The following AFF3 variants were observed in gnomAD, a reference collection of about 807,000 sequenced individuals.
The protein encoded by AFF3 is AF4/FMR2 family member 3.
Under a neutral mutation model 129.7 loss-of-function variants are expected in AFF3, and 32 were observed. The observed-to-expected ratio is 0.25, with a 90% CI of 0.19 to 0.33. AFF3 has a LOEUF of 0.33. Among genes scored for constraint, AFF3 ranks in the 10% least tolerant of loss-of-function variants. The probability of loss-of-function intolerance (pLI) is 1.00; values close to 1 mark genes in which losing one functional copy is unlikely to be tolerated. For synonymous variants in AFF3, 644 were observed against 635.4 expected, an observed-to-expected ratio of 1.01 and a Z score of -0.20; for missense variants, 1,373 against 1,592.0, an observed-to-expected ratio of 0.86 and a Z score of 2.34.
At chr2:100,116,301 C>A (rs957474585) in intron 2 of AFF3, among the ~76,000 whole-genome samples, 2 of 151,780 alleles carry the variant, frequency 1.3e-5, no homozygotes, top group Admixed American at 6.6e-5. Context: ...CTCAGCCTGA[C>A]AAACTTTGCC....
At chr2:99,657,073 G>T (rs1685813640) in intron 12 of AFF3, among the ~76,000 whole-genome samples, 1 of 152,154 alleles carries the variant, frequency 6.6e-6, no homozygotes, top group African/African-American at 2.4e-5. Context: ...GTGCAAATAT[G>T]ACTTGCTGCT....
At chr2:99,659,668 G>A (rs1686056527) in intron 12 of AFF3, among the ~76,000 whole-genome samples, 1 of 152,126 alleles carries the variant, frequency 6.6e-6, no homozygotes, top group African/African-American at 2.4e-5. Context: ...CAGCCTTGGT[G>A]GAATTTAATG....
chr2:99,778,041 C>T (rs1684080374), intron 8 of AFF3, among the ~76,000 whole-genome samples: 1 of 151,310 alleles, frequency 6.6e-6, no homozygotes, highest in East Asian at 1.9e-4. Flanking sequence ...TGGCTGGGCT[C>T]CTCCAGGTCT....
intron 12 of AFF3, 62 bp from the exon 13 acceptor site, chr2:99,649,728 A>G (rs1685058787): frequency 3.8e-6 from 6 of 1,580,858 alleles, no homozygotes; most frequent in Non-Finnish European, 4.3e-6. Context: ...TACGTGCTCA[A>G]TGAACACTTA....
chr2:99,893,709 T>C lies in AFF3; in HGVS notation c.874-56185A>G, dbSNP rs546723400. On this transcript the variant is annotated intron_variant, in intron 7 of 24. Transcript: ENST00000672756. The stretch of plus-strand genomic sequence containing the variant: ...GCAGCCCAATAATGCTCACTGATGG[T>C]TTTATAAACTAGAGAAGAACATCAA... Among the ~76,000 whole-genome samples the C allele has an allele frequency of 4.7e-4, 71 of 152,324 alleles. 1 individual carries two copies. In the East Asian group the frequency reaches 0.011, roughly 24 times the overall value.
chr2:99,644,345 G>A (rs1461088356), intron 13 of AFF3, among the ~76,000 whole-genome samples: 3 of 150,996 alleles, frequency 2.0e-5, no homozygotes, highest in Non-Finnish European at 4.4e-5. Context: ...TTTTTTGCTC[G>A]TTCCTCTCTC....
chr2:99,689,046 A>G (rs1274623189), intron 11 of AFF3, among the ~76,000 whole-genome samples: 2 of 152,020 alleles, frequency 1.3e-5, no homozygotes, highest in Admixed American at 6.6e-5. Flanking sequence ...CCTACAGACA[A>G]CAAAACTCCT....
intron 21 of AFF3, among the ~76,000 whole-genome samples, chr2:99,559,808 AT>A (rs973619735): frequency 1.1e-4 from 16 of 152,206 alleles, no homozygotes; most frequent in African/African-American, 3.9e-4. Flanking sequence ...TGCTGTTATT[AT>A]TATTTTTTAA....
intron 7 of AFF3, among the ~76,000 whole-genome samples, chr2:99,986,023 A>C (rs1185278685): frequency 6.6e-6 from 1 of 151,766 alleles, no homozygotes; most frequent in Non-Finnish European, 1.5e-5. Flanking sequence ...ACATGGTGAA[A>C]CCCCGTCTCT....
chr2:99,761,055 C>T (rs1175562907), intron 8 of AFF3, among the ~76,000 whole-genome samples: 1 of 152,014 alleles, frequency 6.6e-6, no homozygotes, highest in South Asian at 2.1e-4. Flanking sequence ...CTGCCATGTC[C>T]CACTCCTTAG....
chr2:99,783,973 C>G (rs1227554449), intron 8 of AFF3, among the ~76,000 whole-genome samples: 1 of 152,206 alleles, frequency 6.6e-6, no homozygotes, highest in Non-Finnish European at 1.5e-5. Context: ...CTTTTTGAAG[C>G]TGCATTAACT....
intron 11 of AFF3, among the ~76,000 whole-genome samples, chr2:99,681,941 C>G (rs956052649): frequency 7.5e-6 from 1 of 132,920 alleles, no homozygotes; most frequent in Non-Finnish European, 1.5e-5. Flanking sequence ...GAGTCTCGTT[C>G]TGTCATCCAG....
intron 11 of AFF3, among the ~76,000 whole-genome samples, chr2:99,707,986 G>GT (rs979238244): frequency 2.6e-4 from 40 of 152,170 alleles, no homozygotes; most frequent in African/African-American, 9.4e-4. Context: ...ATGATGTTTG[G>GT]TAGGGTTGTT....
Position 99,587,161 on chromosome 2 carries a change from T to G in AFF3, c.2584A>C (p.Ile862Leu). The G allele has an allele frequency of 1.9e-6, 3 of 1,614,170 alleles. No homozygotes were observed. ...TGGAGGGAATGCACGTACCTGTTGA[T>G]GTTCATGTTGCAGTGGTTTGCAGAC... ...TLSANHCNMN[I>L]NSVAIPINKN... Residue 862 changes from isoleucine (I) to leucine (L), a missense_variant, in exon 16 of 25, where the codon ATC becomes CTC. Coordinates refer to ENST00000672756, the MANE Select transcript of AFF3 (RefSeq NM_001386135.1).
intron 4 of AFF3, among the ~76,000 whole-genome samples, chr2:100,075,831 T>G (rs1293435211): frequency 2.0e-5 from 3 of 152,140 alleles, no homozygotes; most frequent in African/African-American, 7.2e-5. Flanking sequence ...GTTCCCACCC[T>G]CGATGAGATG....
intron 4 of AFF3, among the ~76,000 whole-genome samples, chr2:100,079,886 G>A (rs1476413603): frequency 4.6e-5 from 7 of 152,088 alleles, no homozygotes; most frequent in African/African-American, 1.2e-4. Flanking sequence ...CCTCCTTGAC[G>A]TCTGATGTTC....
At chr2:100,111,934 A>G (rs1253187042) in intron 2 of AFF3, among the ~76,000 whole-genome samples, 3 of 152,186 alleles carry the variant, frequency 2.0e-5, no homozygotes, top group Non-Finnish European at 4.4e-5. Context: ...GCGCTCTCTG[A>G]AGAGCCTCCC....
At chr2:99,946,072 A>C (rs913349575) in intron 7 of AFF3, among the ~76,000 whole-genome samples, 5 of 152,228 alleles carry the variant, frequency 3.3e-5, no homozygotes, top group African/African-American at 1.2e-4. Context: ...AAATTCAAGA[A>C]ACATGTATCT....
At chr2:99,985,742 C>T (rs148201120) in intron 7 of AFF3, among the ~76,000 whole-genome samples, 58 of 152,238 alleles carry the variant, frequency 3.8e-4, no homozygotes, top group Middle Eastern at 6.8e-3. Flanking sequence ...TGGGTAGGGC[C>T]ATCACAAGGA....
Sources: allele counts gnomAD v4.1 joint callset (sites outside exome capture counted in the v4.1 genomes callset), GRCh38; gene constraint gnomAD v4.1.1; transcripts MANE v1.5; gene names NCBI Gene and HGNC (gene_info 2026-07-23, HGNC 2026-07-21).